The following BCL2 variants were observed in gnomAD, a reference collection of about 807,000 sequenced individuals.
BCL2 encodes the protein apoptosis regulator Bcl-2.
Under a neutral mutation model 14.2 loss-of-function variants are expected in BCL2, and 1 was observed. The observed-to-expected ratio is 0.07, with a 90% CI of 0.02 to 0.33. BCL2 has a LOEUF of 0.33. Ranked by LOEUF, BCL2 falls within the 10% of genes least tolerant of loss-of-function variation. The probability of loss-of-function intolerance (pLI) is 0.99; values close to 1 mark genes in which losing one functional copy is unlikely to be tolerated. For missense variants in BCL2, 247 were observed against 305.9 expected (o/e 0.81, Z 1.44); for synonymous variants, 151 against 137.2 (o/e 1.10, Z -0.70).
intron 2 of BCL2, among the ~76,000 whole-genome samples, chr18:63,213,601 T>C (rs944024307): frequency 6.6e-6 from 1 of 150,416 alleles, no homozygotes; most frequent in Non-Finnish European, 1.5e-5. Flanking sequence ...TGTTGAGGCA[T>C]TGTCTAATCC....
intron 2 of BCL2, among the ~76,000 whole-genome samples, chr18:63,241,778 T>C (rs1054440765): frequency 3.3e-5 from 5 of 152,220 alleles, no homozygotes; most frequent in Non-Finnish European, 5.9e-5. Context: ...GAAAACAAGA[T>C]GTCCCGGCCT....
At chr18:63,228,436 A>C (rs1477289777) in intron 2 of BCL2, among the ~76,000 whole-genome samples, 1 of 152,158 alleles carries the variant, frequency 6.6e-6, no homozygotes. Context: ...CCCCCAGCAT[A>C]ACTTTATCTA....
intron 2 of BCL2, among the ~76,000 whole-genome samples, chr18:63,252,490 G>A (rs907367970): frequency 3.9e-5 from 6 of 152,180 alleles, no homozygotes; most frequent in African/African-American, 1.2e-4. Context: ...ACATGCTGTG[G>A]GAGGAACCCG....
At chr18:63,132,112 C>G (rs1286269525) in intron 2 of BCL2, among the ~76,000 whole-genome samples, 1 of 152,226 alleles carries the variant, frequency 6.6e-6, no homozygotes, top group African/African-American at 2.4e-5. Context: ...CTGTTGCCAT[C>G]CCAGGGGGCT....
At chr18:63,255,506 AG>A (rs1456847299) in intron 2 of BCL2, among the ~76,000 whole-genome samples, 2 of 152,192 alleles carry the variant, frequency 1.3e-5, no homozygotes, top group African/African-American at 4.8e-5. Context: ...CAAAAAGTAA[AG>A]TGGCCTAGAG....
intron 2 of BCL2, among the ~76,000 whole-genome samples, chr18:63,183,160 A>G (rs1212058436): frequency 6.6e-6 from 1 of 152,304 alleles, no homozygotes; most frequent in South Asian, 2.1e-4. Context: ...CCGAAGTAAG[A>G]TCAGCTGGCA....
At chr18:63,308,600 T>C (rs1433528900) in intron 2 of BCL2, among the ~76,000 whole-genome samples, 1 of 152,180 alleles carries the variant, frequency 6.6e-6, no homozygotes, top group Non-Finnish European at 1.5e-5. Flanking sequence ...AAATGTCAAA[T>C]GTTTAATATA....
At chr18:63,231,099 A>G (rs1910676397) in intron 2 of BCL2, among the ~76,000 whole-genome samples, 1 of 152,058 alleles carries the variant, frequency 6.6e-6, no homozygotes, top group Non-Finnish European at 1.5e-5. Flanking sequence ...GAAAATCTTA[A>G]TGTAATTCCC....
intron 2 of BCL2, among the ~76,000 whole-genome samples, chr18:63,269,468 A>T (rs902592732): frequency 6.6e-6 from 1 of 152,204 alleles, no homozygotes; most frequent in African/African-American, 2.4e-5. Flanking sequence ...AGATGAATTC[A>T]GTTATTACAT....
intron 2 of BCL2, among the ~76,000 whole-genome samples, chr18:63,130,189 T>C (rs1390253709): frequency 1.3e-5 from 2 of 152,200 alleles, no homozygotes; most frequent in African/African-American, 4.8e-5. Flanking sequence ...AATATATAAA[T>C]CAGTAAATGA....
At chr18:63,142,568 C>G (rs1440622244) in intron 2 of BCL2, among the ~76,000 whole-genome samples, 1 of 152,226 alleles carries the variant, frequency 6.6e-6, no homozygotes, top group African/African-American at 2.4e-5. Flanking sequence ...TAGTCTTACT[C>G]AGATCCCAGC....
intron 2 of BCL2, among the ~76,000 whole-genome samples, chr18:63,193,822 T>A (rs1030923001): frequency 6.6e-6 from 1 of 152,110 alleles, no homozygotes; most frequent in Non-Finnish European, 1.5e-5. Flanking sequence ...TCTAGCATGG[T>A]ATTGAAAAGA....
At chr18:63,222,977 C>CAAAGAT (rs1035969989) in intron 2 of BCL2, among the ~76,000 whole-genome samples, 42 of 152,218 alleles carry the variant, frequency 2.8e-4, no homozygotes, top group African/African-American at 9.6e-4. Flanking sequence ...ATAGAATTAA[C>CAAAGAT]AGACAAAGGA....
intron 2 of BCL2, among the ~76,000 whole-genome samples, chr18:63,263,747 G>A (rs1251837565): frequency 6.6e-6 from 1 of 152,144 alleles, no homozygotes; most frequent in Non-Finnish European, 1.5e-5. Context: ...CTGTACAATG[G>A]GATCAATGTC....
chr18:63,199,193 G>A (rs983722582), intron 2 of BCL2, among the ~76,000 whole-genome samples: 6 of 135,360 alleles, frequency 4.4e-5, no homozygotes, highest in Non-Finnish European at 9.5e-5. Context: ...ACACAGACAC[G>A]CACAACACAC....
intron 2 of BCL2, among the ~76,000 whole-genome samples, chr18:63,172,650 G>A (rs568592384): frequency 1.3e-4 from 20 of 152,216 alleles, no homozygotes; most frequent in East Asian, 1.9e-4. Flanking sequence ...GTGTGGTGGC[G>A]GGCGCCTGTA....
At chr18:63,167,919 C>A (rs148080107) in intron 2 of BCL2, among the ~76,000 whole-genome samples, 8 of 146,082 alleles carry the variant, frequency 5.5e-5, no homozygotes, top group Non-Finnish European at 9.0e-5. Flanking sequence ...GAGTGAGACT[C>A]CGTCTCAAAA....
In BCL2 at chr18:63,302,826, C is replaced by T. The variant is rs1308464640; in HGVS notation, c.585+15256G>A. The T allele has an allele frequency of 6.1e-6, 6 of 985,322 alleles. No homozygotes were observed. The Admixed American group carries it at 3.7e-4, about 61-fold the overall frequency. 61.0% of individuals were successfully genotyped at this position (985,322 alleles called of 1,614,324 possible). ...GGCCCATGCTGAAACTCCCTTAGCC[C>T]TGCAAATAACACAAGGGCATCCTGT... On this transcript the variant is annotated intron_variant, in intron 2 of 2. Transcript: ENST00000333681.
At chr18:63,217,466 G>A (rs1910236783) in intron 2 of BCL2, among the ~76,000 whole-genome samples, 1 of 152,182 alleles carries the variant, frequency 6.6e-6, no homozygotes, top group Non-Finnish European at 1.5e-5. Context: ...TAGAGTAGTA[G>A]GGTTTTCCTA....
Sources: allele counts gnomAD v4.1 joint callset (sites outside exome capture counted in the v4.1 genomes callset), GRCh38; gene constraint gnomAD v4.1.1; transcripts MANE v1.5; gene names NCBI Gene and HGNC (gene_info 2026-07-23, HGNC 2026-07-21).